Variants in FAT3 observed in about 807,000 individuals in gnomAD.
The protein encoded by FAT3 is FAT atypical cadherin 3.
In FAT3, 95 loss-of-function variants were observed where a neutral mutation model predicts 310.2. That is an observed-to-expected ratio of 0.31 (90% CI 0.26 to 0.36). The LOEUF is 0.36. FAT3 is among the 10% of genes least tolerant of loss of function. The probability of loss-of-function intolerance (pLI) is 1.00; values close to 1 mark genes in which losing one functional copy is unlikely to be tolerated. For synonymous variants in FAT3, 2,314 were observed against 2,192.9 expected, an observed-to-expected ratio of 1.06 and a Z score of -1.54; for missense variants, 5,408 against 5,715.6, an observed-to-expected ratio of 0.95 and a Z score of 1.74.
At chr11:92,361,879 A>T (rs1236376695) in intron 2 of FAT3, among the ~76,000 whole-genome samples, 1 of 152,234 alleles carries the variant, frequency 6.6e-6, no homozygotes, top group Non-Finnish European at 1.5e-5. Context: ...CAGAAGTGTA[A>T]GAAATGGGTA....
chr11:92,882,214 A>G (rs973256786), intron 23 of FAT3, among the ~76,000 whole-genome samples: 2 of 152,176 alleles, frequency 1.3e-5, no homozygotes, highest in Non-Finnish European at 2.9e-5. Context: ...TAGTGTGAAT[A>G]TCCATATGTT....
chr11:92,717,914 G>A lies in FAT3; in HGVS notation c.3669+20469G>A, dbSNP rs114508214. Among the ~76,000 whole-genome samples, 452 of 152,248 alleles carry A rather than the reference G, an allele frequency of 3.0e-3. 2 individuals are homozygous for A. The highest frequency in any genetic ancestry group is 0.01 in the African/African-American group (418 of 41,538). On this transcript the variant is annotated intron_variant, in intron 4 of 27. Coordinates refer to ENST00000525166, the MANE Select transcript of FAT3 (RefSeq NM_001367949.2). The stretch of plus-strand genomic sequence containing the variant: ...CATCGTGAAATGAGTAAACTGGATG[G>A]TAGCAAGCTAGATTCAGCTAAATAG...
At chr11:92,544,198 C>A (rs547466315) in intron 3 of FAT3, among the ~76,000 whole-genome samples, 1 of 152,058 alleles carries the variant, frequency 6.6e-6, no homozygotes, top group African/African-American at 2.4e-5. Flanking sequence ...GTGATGTTAA[C>A]TGGGAGAAGC....
chr11:92,504,103 T>A (rs1343902665), intron 2 of FAT3, among the ~76,000 whole-genome samples: 2 of 152,152 alleles, frequency 1.3e-5, no homozygotes, highest in Non-Finnish European at 2.9e-5. Flanking sequence ...GCTAACTAGT[T>A]GTAGTTTTTC....
intron 22 of FAT3, among the ~76,000 whole-genome samples, chr11:92,871,495 G>T (rs2136367169): frequency 6.6e-6 from 1 of 152,228 alleles, no homozygotes; most frequent in South Asian, 2.1e-4. Context: ...CTGAATCCTG[G>T]GGAAACTTTG....
chr11:92,593,130 G>A (rs372780681), intron 3 of FAT3, among the ~76,000 whole-genome samples: 1 of 152,002 alleles, frequency 6.6e-6, no homozygotes, highest in Non-Finnish European at 1.5e-5. Flanking sequence ...TGTATGTGTC[G>A]GAATTTCCTT....
chr11:92,310,105 T>C (rs1044257267), intron 1 of FAT3, among the ~76,000 whole-genome samples: 4 of 152,230 alleles, frequency 2.6e-5, no homozygotes, highest in Non-Finnish European at 4.4e-5. Flanking sequence ...TTAAAACTTT[T>C]CCTGGACTAG....
chr11:92,524,359 G>A (rs1440426551), intron 2 of FAT3, among the ~76,000 whole-genome samples: 1 of 152,006 alleles, frequency 6.6e-6, no homozygotes, highest in Non-Finnish European at 1.5e-5. Flanking sequence ...GTGCATCTGA[G>A]CTCAGGTTTG....
intron 3 of FAT3, among the ~76,000 whole-genome samples, chr11:92,570,109 C>G (rs746245487): frequency 7.2e-5 from 11 of 152,134 alleles, no homozygotes; most frequent in Non-Finnish European, 1.5e-4. Context: ...TGAGCAATGG[C>G]TGTTGAGTAA....
At chr11:92,420,434 T>C (rs571044237) in intron 2 of FAT3, among the ~76,000 whole-genome samples, 2 of 152,268 alleles carry the variant, frequency 1.3e-5, no homozygotes, top group Admixed American at 1.3e-4. Context: ...ATGCTCAGTC[T>C]TAGTTCAGGG....
chr11:92,523,949 A>C (rs544511467), intron 2 of FAT3, among the ~76,000 whole-genome samples: 1 of 152,282 alleles, frequency 6.6e-6, no homozygotes, highest in Non-Finnish European at 1.5e-5. Context: ...GCATCTCTCA[A>C]AGTGGCTCAG....
rs767487016 is a variant in FAT3, at chr11:92,883,140, G to A, written c.12684G>A (p.Pro4228=). The A allele has an allele frequency of 3.7e-6, 6 of 1,613,582 alleles. No individual in the cohort carries two copies. The highest frequency in any genetic ancestry group is 4.2e-6 in the Non-Finnish European group (5 of 1,179,832). The change falls in exon 24 of 28, where the codon CCG becomes CCA. Residue 4228 remains proline (P), a synonymous_variant. Coordinates refer to ENST00000525166, the MANE Select transcript of FAT3 (RefSeq NM_001367949.2). This position sits in a 1 kb window ranked among gnomAD's most constrained non-coding sequence, Gnocchi z 4.2. ...GRNVYQEVGP[P]QVPVRPMAYT... is the part of the protein sequence containing the mutation. ...ACGTCTACCAGGAGGTGGGGCCCCC[G>A]CAGGTCCCCGTGCGCCCCATGGCCT...
chr11:92,259,994 A>T (rs1865477654), intron 1 of FAT3, among the ~76,000 whole-genome samples: 1 of 152,122 alleles, frequency 6.6e-6, no homozygotes, highest in East Asian at 1.9e-4. Context: ...CTTACCAGGG[A>T]GAGGATCTAT....
intron 3 of FAT3, among the ~76,000 whole-genome samples, chr11:92,615,342 G>A (rs1940750423): frequency 6.6e-6 from 1 of 152,170 alleles, no homozygotes. Context: ...CGCCTCCTGG[G>A]TTCAAGCAAT....
At chr11:92,827,561 A>G (rs1948133571) in intron 13 of FAT3, among the ~76,000 whole-genome samples, 1 of 152,140 alleles carries the variant, frequency 6.6e-6, no homozygotes, top group Non-Finnish European at 1.5e-5. Context: ...ACTAGACCAC[A>G]TTGCCTTCAT....
intron 3 of FAT3, among the ~76,000 whole-genome samples, chr11:92,612,349 A>C (rs974268985): frequency 2.6e-5 from 4 of 151,942 alleles, no homozygotes; most frequent in Non-Finnish European, 5.9e-5. Context: ...TCATTTTATC[A>C]GTTTTGCTGG....
At chr11:92,584,961 T>A (rs891991767) in intron 3 of FAT3, among the ~76,000 whole-genome samples, 14 of 152,026 alleles carry the variant, frequency 9.2e-5, no homozygotes, top group Non-Finnish European at 1.9e-4. Flanking sequence ...AGCTAGAGAT[T>A]TGTAATATAA....
Position 92,456,873 on chromosome 11 carries a change from C to T in FAT3, c.3293-67761C>T, listed in dbSNP as rs530988414. 7.2e-5 allele frequency among the ~76,000 whole-genome samples: 11 copies of T among 152,184 alleles called. No homozygotes were observed. In the East Asian group the frequency reaches 1.7e-3, roughly 24 times the overall value. On this transcript the variant is annotated intron_variant, in intron 2 of 27. Transcript: ENST00000525166. ...TGGGCATGTGTGCCATGGTGAACAGCGCTAGGATGAGACTGCCTTATGCCT... is the reference window on the plus strand; with the variant it reads ...TGGGCATGTGTGCCATGGTGAACAGTGCTAGGATGAGACTGCCTTATGCCT...
chr11:92,512,583 T>A (rs1004818992), intron 2 of FAT3, among the ~76,000 whole-genome samples: 12 of 145,798 alleles, frequency 8.2e-5, no homozygotes, highest in East Asian at 7.9e-4. Context: ...TTTTAAATTT[T>A]TATATATTAA....
Sources: allele counts gnomAD v4.1 joint callset (sites outside exome capture counted in the v4.1 genomes callset), GRCh38; gene constraint gnomAD v4.1.1; non-coding constraint Gnocchi (gnomAD v3.1); transcripts MANE v1.5; gene names NCBI Gene and HGNC (gene_info 2026-07-23, HGNC 2026-07-21).